Variants in MAGI2 observed in about 807,000 individuals in gnomAD.
The protein encoded by MAGI2 is membrane-associated guanylate kinase, WW and PDZ domain-containing protein 2.
MAGI2 carries 35 observed loss-of-function variants against 133.3 expected under a neutral mutation model. The ratio of observed to expected loss-of-function variants is 0.26; its 90% CI spans 0.20 to 0.35. MAGI2 has a LOEUF of 0.35. MAGI2 is among the 10% of genes least tolerant of loss of function. The pLI is 1.00. For missense variants in MAGI2, 1,636 were observed against 1,863.4 expected (o/e 0.88, Z 2.25); for synonymous variants, 729 against 710.6 (o/e 1.03, Z -0.41).
intron 1 of MAGI2, among the ~76,000 whole-genome samples, chr7:79,055,783 C>T (rs1415083512): frequency 2.6e-5 from 4 of 152,276 alleles, no homozygotes; most frequent in Admixed American, 6.5e-5. Flanking sequence ...TAGGATTTTA[C>T]GTCCACTACA....
intron 2 of MAGI2, among the ~76,000 whole-genome samples, chr7:78,758,341 T>C (rs1049761979): frequency 4.6e-5 from 7 of 152,166 alleles, no homozygotes; most frequent in African/African-American, 1.7e-4. Flanking sequence ...AATACGTACT[T>C]GTAGTACGAA....
chr7:78,185,593 T>C lies in MAGI2; in HGVS notation c.2311+36A>G, dbSNP rs752264934. 3.3e-6 allele frequency: 5 copies of C among 1,498,972 alleles called. No homozygotes were observed. In the African/African-American group the frequency reaches 5.5e-5, roughly 17 times the overall value. 92.9% of individuals were successfully genotyped at this position (1,498,972 alleles called of 1,614,324 possible). On this transcript the variant is annotated intron_variant, in intron 13 of 21. Transcript: ENST00000354212. Reference sequence around the variant, plus strand: ...TTTGTTACACAAAATGGAAGACGTTTTGTTCACAGAACTGTGAGTACTGAA... The same window carrying C: ...TTTGTTACACAAAATGGAAGACGTTCTGTTCACAGAACTGTGAGTACTGAA...
At position 78,361,652 on chromosome 7, in the gene MAGI2, T is replaced by A. The variant is rs190506468; in HGVS notation, c.1103+7504A>T. On this transcript the variant is annotated intron_variant, in intron 7 of 21. Coordinates refer to ENST00000354212, the MANE Select transcript of MAGI2 (RefSeq NM_012301.4). ...TCATTGTTATTTGTAAAAGTCCATC[T>A]GCAATTAAACCAATTTAAACTTCTG... Among the ~76,000 whole-genome samples the A allele has an allele frequency of 5.9e-5, 9 of 152,352 alleles. No homozygotes were observed. In the South Asian group the frequency reaches 1.0e-3, roughly 18 times the overall value.
intron 2 of MAGI2, among the ~76,000 whole-genome samples, chr7:78,996,254 T>C (rs1806300375): frequency 6.6e-6 from 1 of 152,122 alleles, no homozygotes; most frequent in Non-Finnish European, 1.5e-5. Context: ...TAAGAAGAGC[T>C]GAGGTAATGT....
At chr7:79,451,160 C>CTCAGAATTGAACACAACATTGTGT (rs1380222130) in intron 1 of MAGI2, among the ~76,000 whole-genome samples, 3 of 152,176 alleles carry the variant, frequency 2.0e-5, no homozygotes, top group Non-Finnish European at 4.4e-5. Context: ...ACAAGGAGTG[C>CTCAGAATTGAACACAACATTGTGT]TCAGAATTGA....
chr7:78,570,622 A>T (rs1212433613), intron 3 of MAGI2, among the ~76,000 whole-genome samples: 1 of 152,244 alleles, frequency 6.6e-6, no homozygotes, highest in East Asian at 1.9e-4. Flanking sequence ...TTTTCCTCAC[A>T]GAGTATCTTG....
At chr7:78,182,802 T>G (rs1827307710) in intron 13 of MAGI2, among the ~76,000 whole-genome samples, 2 of 152,238 alleles carry the variant, frequency 1.3e-5, no homozygotes, top group Non-Finnish European at 2.9e-5. Flanking sequence ...GTCGTTTCTG[T>G]GACACCCCAT....
intron 1 of MAGI2, among the ~76,000 whole-genome samples, chr7:79,331,315 AT>A (rs1304156707): frequency 6.6e-6 from 1 of 152,102 alleles, no homozygotes; most frequent in Non-Finnish European, 1.5e-5. Flanking sequence ...TATATTATGC[AT>A]TTTTATGTAT....
intron 1 of MAGI2, among the ~76,000 whole-genome samples, chr7:79,318,002 C>T (rs1435475224): frequency 2.6e-5 from 4 of 152,308 alleles, no homozygotes; most frequent in African/African-American, 9.6e-5. Context: ...CAAAACTCTT[C>T]CCTCTGGATT....
chr7:79,292,495 G>C (rs1836566406), intron 1 of MAGI2, among the ~76,000 whole-genome samples: 2 of 151,480 alleles, frequency 1.3e-5, no homozygotes. Context: ...AGCCAGGTCT[G>C]GTGGCATGTG....
chr7:78,632,745 G>A (rs1335268053), intron 2 of MAGI2, among the ~76,000 whole-genome samples: 1 of 152,158 alleles, frequency 6.6e-6, no homozygotes, highest in East Asian at 1.9e-4. Flanking sequence ...ATTTTTAAAA[G>A]AAGAAAATGA....
At position 78,651,266 on chromosome 7, in the gene MAGI2, C is replaced by A. The variant is rs577454490; in HGVS notation, c.419-24027G>T. Among the ~76,000 whole-genome samples the A allele has an allele frequency of 3.2e-4, 49 of 152,144 alleles. No homozygotes were observed. In the East Asian group the frequency reaches 8.9e-3, roughly 28 times the overall value. Reference sequence around the variant, plus strand: ...GCTTTCTGATAATTCATGTAACACACAAAATATAAACACAGATACACACAC... The same window carrying A: ...GCTTTCTGATAATTCATGTAACACAAAAAATATAAACACAGATACACACAC... On this transcript the variant is annotated intron_variant, in intron 2 of 21. Coordinates refer to ENST00000354212, the MANE Select transcript of MAGI2 (RefSeq NM_012301.4).
At chr7:78,462,833 C>T (rs1050449606) in intron 6 of MAGI2, among the ~76,000 whole-genome samples, 1 of 152,164 alleles carries the variant, frequency 6.6e-6, no homozygotes, top group Non-Finnish European at 1.5e-5. Context: ...CTTGACAAAC[C>T]CGCGTGGTTC....
intron 1 of MAGI2, among the ~76,000 whole-genome samples, chr7:79,012,990 T>G (rs2116603134): frequency 6.6e-6 from 1 of 152,238 alleles, no homozygotes; most frequent in South Asian, 2.1e-4. Context: ...TTTAATTACC[T>G]GTCAAATAGC....
intron 2 of MAGI2, among the ~76,000 whole-genome samples, chr7:78,997,226 C>T (rs1806394324): frequency 6.6e-6 from 1 of 152,042 alleles, no homozygotes; most frequent in Admixed American, 6.6e-5. Flanking sequence ...ACTTTCTTGC[C>T]TTTAAGTAGA....
chr7:79,047,350 A>T (rs1562829674), intron 1 of MAGI2, among the ~76,000 whole-genome samples: 2 of 151,998 alleles, frequency 1.3e-5, no homozygotes, highest in South Asian at 2.1e-4. Flanking sequence ...ATCAAAGAAG[A>T]TATATAAAAT....
At chr7:79,195,676 G>A (rs1420381768) in intron 1 of MAGI2, among the ~76,000 whole-genome samples, 2 of 151,898 alleles carry the variant, frequency 1.3e-5, no homozygotes, top group African/African-American at 2.4e-5. Context: ...CCACGGCACT[G>A]AGCATTCTCA....
chr7:78,385,626 G>A (rs1312243975), intron 6 of MAGI2, among the ~76,000 whole-genome samples: 1 of 152,102 alleles, frequency 6.6e-6, no homozygotes, highest in Non-Finnish European at 1.5e-5. Context: ...TTTCTCAGAT[G>A]TTCTTTACCA....
chr7:78,089,072 C>T (rs778993514), intron 20 of MAGI2, among the ~76,000 whole-genome samples: 4 of 152,178 alleles, frequency 2.6e-5, no homozygotes, highest in Non-Finnish European at 5.9e-5. Context: ...GTTCCTACCC[C>T]AGAGTCTCCA....
Sources: gnomAD v4.1 joint callset for allele counts (sites outside exome capture counted in the v4.1 genomes callset) on GRCh38, gnomAD v4.1.1 for gene constraint, MANE v1.5 for transcripts, NCBI Gene and HGNC (gene_info 2026-07-23, HGNC 2026-07-21) for gene names.